Variants in TENM2 observed in about 807,000 individuals in gnomAD.
TENM2 encodes the protein teneurin-2.
TENM2 carries 52 observed loss-of-function variants against 245.2 expected under a neutral mutation model. The observed-to-expected ratio is 0.21, with a 90% CI of 0.17 to 0.27. TENM2 has a LOEUF of 0.27. TENM2 is among the 10% of genes least tolerant of loss of function. The probability of loss-of-function intolerance (pLI) is 1.00; values close to 1 mark genes in which losing one functional copy is unlikely to be tolerated. For synonymous variants in TENM2, 1,363 were observed against 1,438.9 expected, an observed-to-expected ratio of 0.95 and a Z score of 1.19; for missense variants, 3,046 against 3,666.8, an observed-to-expected ratio of 0.83 and a Z score of 4.37.
the TENM2 span, among the ~76,000 whole-genome samples, chr5:167,192,640 G>A: frequency 6.6e-6 from 1 of 152,034 alleles, no homozygotes; most frequent in Non-Finnish European, 1.5e-5. Context: ...AGTCAGATAG[G>A]CAATATCCTT....
the TENM2 span, among the ~76,000 whole-genome samples, chr5:167,087,581 A>ACAATAG: frequency 6.6e-6 from 1 of 152,314 alleles, no homozygotes; most frequent in Admixed American, 6.5e-5. Flanking sequence ...CACATAGAAT[A>ACAATAG]GTACCTTGCA....
intron 2 of TENM2, among the ~76,000 whole-genome samples, chr5:167,675,500 C>T (rs184450698): frequency 2.6e-5 from 4 of 152,196 alleles, no homozygotes; most frequent in East Asian, 3.9e-4. Context: ...GCTATGTTCA[C>T]GTGTCACCAG....
At chr5:167,884,107 A>T (rs1774094180) in intron 3 of TENM2, among the ~76,000 whole-genome samples, 1 of 152,224 alleles carries the variant, frequency 6.6e-6, no homozygotes. Flanking sequence ...ATAAGTGTCT[A>T]CAAGTCCTAA....
the TENM2 span, among the ~76,000 whole-genome samples, chr5:167,183,200 T>A: frequency 6.6e-6 from 1 of 152,118 alleles, no homozygotes; most frequent in Admixed American, 6.5e-5. Context: ...GTATGTAAGG[T>A]CAACCATGAA....
chr5:168,070,932 G>A (rs1045837061), intron 7 of TENM2, among the ~76,000 whole-genome samples: 8 of 151,472 alleles, frequency 5.3e-5, no homozygotes, highest in African/African-American at 1.9e-4. Flanking sequence ...AAGTGCTGCT[G>A]TTACAGAAAG....
chr5:168,146,576 A>G (rs1756102284), intron 12 of TENM2, among the ~76,000 whole-genome samples: 1 of 152,164 alleles, frequency 6.6e-6, no homozygotes, highest in Non-Finnish European at 1.5e-5. Flanking sequence ...TTTTTAATTT[A>G]CTGATTTACT....
At chr5:167,098,876 G>A in the TENM2 span, among the ~76,000 whole-genome samples, 9 of 152,256 alleles carry the variant, frequency 5.9e-5, no homozygotes, top group African/African-American at 1.4e-4. Context: ...GTCTCTTTGC[G>A]TTAGCATTGC....
At chr5:168,143,915 T>A (rs1208557837) in intron 12 of TENM2, among the ~76,000 whole-genome samples, 3 of 146,674 alleles carry the variant, frequency 2.0e-5, no homozygotes, top group Non-Finnish European at 4.5e-5. Flanking sequence ...AGTGGCGCGA[T>A]CTCGGCTCAC....
intron 2 of TENM2, among the ~76,000 whole-genome samples, chr5:167,608,395 T>C (rs932237926): frequency 9.9e-5 from 15 of 152,218 alleles, no homozygotes; most frequent in African/African-American, 3.4e-4. Context: ...AAGTAGGCCA[T>C]GTGCACCACC....
At chr5:168,192,307 T>C (rs1383358881) in intron 14 of TENM2, among the ~76,000 whole-genome samples, 4 of 152,132 alleles carry the variant, frequency 2.6e-5, no homozygotes. Flanking sequence ...AACCAGTTGA[T>C]CTAATAGCGA....
the TENM2 span, among the ~76,000 whole-genome samples, chr5:167,241,742 C>A: frequency 6.6e-6 from 1 of 151,964 alleles, no homozygotes; most frequent in Non-Finnish European, 1.5e-5. Flanking sequence ...TTTAGTGGAG[C>A]GATGGGAACA....
chr5:168,216,683 C>A, intron 21 of TENM2, 85 bp from the exon 24 acceptor site: 1 of 1,338,182 alleles, frequency 7.5e-7, no homozygotes, highest in Non-Finnish European at 1.1e-6. Flanking sequence ...AAGCAGAGTG[C>A]TCAGCAAGGC....
chr5:168,228,178 C>T (rs371129608), intron 25 of TENM2, 48 bp downstream of exon 27: 10 of 1,430,984 alleles, frequency 7.0e-6, no homozygotes, highest in Middle Eastern at 2.0e-4. Flanking sequence ...AGGGGATATA[C>T]ACTTTCCTCA....
chr5:166,980,672 A>C, the TENM2 span, among the ~76,000 whole-genome samples: 13 of 152,178 alleles, frequency 8.5e-5, no homozygotes, highest in Non-Finnish European at 1.9e-4. Context: ...ATCAGTGTAT[A>C]GTTGTAAAAT....
chr5:168,166,573 T>C (rs1406728544), intron 13 of TENM2, among the ~76,000 whole-genome samples: 1 of 152,164 alleles, frequency 6.6e-6, no homozygotes, highest in Non-Finnish European at 1.5e-5. Flanking sequence ...CTAAGCCCTA[T>C]TCCTAGAGCT....
chr5:167,568,500 A>C (rs931965495), intron 2 of TENM2, among the ~76,000 whole-genome samples: 1 of 152,082 alleles, frequency 6.6e-6, no homozygotes, highest in Non-Finnish European at 1.5e-5. Flanking sequence ...AACAACAATA[A>C]AAACACGCTG....
the TENM2 span, among the ~76,000 whole-genome samples, chr5:167,087,780 G>A: frequency 6.6e-6 from 1 of 151,842 alleles, no homozygotes; most frequent in Non-Finnish European, 1.5e-5. Flanking sequence ...TTTATAGGTG[G>A]AGCAATATCT....
intron 2 of TENM2, among the ~76,000 whole-genome samples, chr5:167,427,810 AAAGGAAGGGAAGGAAGGGACGGGAGGG>A (rs1763955489): frequency 2.3e-5 from 1 of 44,290 alleles, no homozygotes; most frequent in Non-Finnish European, 4.7e-5. Flanking sequence ...GGAAGGACGG[AAAGGAAGGGAAGGAAGGGACGGGAGGG>A]AAGGAAGGGA....
the TENM2 span, among the ~76,000 whole-genome samples, chr5:167,048,515 G>C: frequency 6.6e-6 from 1 of 152,174 alleles, no homozygotes; most frequent in African/African-American, 2.4e-5. Context: ...ATTATATGCA[G>C]TGTGATGTCA....
Sources: allele counts gnomAD v4.1 joint callset (sites outside exome capture counted in the v4.1 genomes callset), GRCh38; gene constraint gnomAD v4.1.1; transcripts MANE v1.5; gene names NCBI Gene and HGNC (gene_info 2026-07-23, HGNC 2026-07-21).